Variants in RGS7 observed in about 807,000 individuals in gnomAD.
The protein encoded by RGS7 is regulator of G-protein signaling 7.
RGS7 carries 27 observed loss-of-function variants against 81.1 expected under a neutral mutation model. The observed-to-expected ratio is 0.33, with a 90% CI of 0.25 to 0.46. RGS7 has a LOEUF of 0.46. Ranked by LOEUF, RGS7 falls within the 20% of genes least tolerant of loss-of-function variation. The probability of loss-of-function intolerance (pLI) is 1.00; values close to 1 mark genes in which losing one functional copy is unlikely to be tolerated. For missense variants in RGS7, 396 were observed against 607.4 expected (o/e 0.65, Z 3.66); for synonymous variants, 208 against 207.7 (o/e 1.00, Z -0.01).
chr1:241,256,707 A>G (rs573977011), intron 2 of RGS7, among the ~76,000 whole-genome samples: 2 of 152,234 alleles, frequency 1.3e-5, no homozygotes, highest in African/African-American at 4.8e-5. Context: ...ACAGGGAGTG[A>G]GAACAAGGTC....
intron 2 of RGS7, among the ~76,000 whole-genome samples, chr1:241,172,983 G>A (rs2070839559): frequency 6.6e-6 from 1 of 152,096 alleles, no homozygotes; most frequent in Non-Finnish European, 1.5e-5. Flanking sequence ...TAACTATAAA[G>A]GAAAGCATAG....
At chr1:240,852,376 C>T (rs1200772774) in intron 9 of RGS7, among the ~76,000 whole-genome samples, 1 of 152,166 alleles carries the variant, frequency 6.6e-6, no homozygotes, top group Non-Finnish European at 1.5e-5. Context: ...TAATAGACTA[C>T]AGTATAGTGT....
chr1:241,147,780 TTATATATATATATATATATA>T lies in RGS7; in HGVS notation c.79-49038_79-49019del, dbSNP rs200770896. Among the ~76,000 whole-genome samples the T allele has an allele frequency of 1.3e-3, 56 of 44,608 alleles. 4 individuals are homozygous for T. Among genetic ancestry groups the T allele is most frequent in the Admixed American group, 7.7e-3 (21 of 2,730 alleles). The allele number at this position is 44,608 out of a possible 152,430, so 29.3% of individuals were successfully genotyped here. On this transcript the variant is annotated intron_variant, in intron 2 of 18. Transcript: ENST00000440928. The stretch of plus-strand genomic sequence containing the variant: ...TTAAATATCCCATCTAGATTAAGTT[TTATATATATATATATATATA>T]TATATATATATATATATATGTAAGA...
At chr1:241,084,838 A>T (rs1458837140) in intron 3 of RGS7, among the ~76,000 whole-genome samples, 2 of 152,252 alleles carry the variant, frequency 1.3e-5, no homozygotes. Context: ...GGCTGAAAAG[A>T]ACTCCCTATT....
chr1:240,960,160 CAA>C (rs112575284), intron 4 of RGS7, among the ~76,000 whole-genome samples: 7 of 131,824 alleles, frequency 5.3e-5, no homozygotes, highest in Admixed American at 7.7e-5. Flanking sequence ...CCCCCAACAC[CAA>C]AAAAAAAAAA....
chr1:241,162,222 G>GCTCCCC (rs71297740), intron 2 of RGS7, among the ~76,000 whole-genome samples: 28,103 of 142,116 alleles, frequency 0.2, 2,922 homozygotes, highest in African/African-American at 0.23. Flanking sequence ...CTGGTGATCA[G>GCTCCCC]CTTCCAAATA....
chr1:241,157,303 A>C (rs1429957276), intron 2 of RGS7, among the ~76,000 whole-genome samples: 2 of 152,046 alleles, frequency 1.3e-5, no homozygotes, highest in Non-Finnish European at 2.9e-5. Flanking sequence ...GGCCATTGTC[A>C]GCTCCTGAAA....
At chr1:240,844,856 G>C (rs1251415482) in intron 9 of RGS7, among the ~76,000 whole-genome samples, 4 of 152,180 alleles carry the variant, frequency 2.6e-5, no homozygotes, top group Non-Finnish European at 5.9e-5. Context: ...TGAGATCATG[G>C]ACTATTGATA....
chr1:240,923,407 G>T (rs954322464), intron 6 of RGS7, among the ~76,000 whole-genome samples: 4 of 151,928 alleles, frequency 2.6e-5, no homozygotes, highest in South Asian at 2.1e-4. Flanking sequence ...ATAGGGGAAC[G>T]TATAGGTGGT....
intron 2 of RGS7, among the ~76,000 whole-genome samples, chr1:241,332,435 T>C (rs907195878): frequency 7.2e-5 from 11 of 152,164 alleles, no homozygotes; most frequent in Admixed American, 5.9e-4. Flanking sequence ...TTTATATTAA[T>C]GTAAGGAACT....
chr1:241,241,725 G>A (rs562493351), intron 2 of RGS7, among the ~76,000 whole-genome samples: 1 of 152,236 alleles, frequency 6.6e-6, no homozygotes, highest in East Asian at 1.9e-4. Flanking sequence ...GACTCAGATA[G>A]AGGGACACAT....
intron 2 of RGS7, among the ~76,000 whole-genome samples, chr1:241,139,311 C>A (rs757199395): frequency 6.7e-6 from 1 of 148,994 alleles, no homozygotes; most frequent in Non-Finnish European, 1.5e-5. Flanking sequence ...TCCTTCCTTC[C>A]TTCCTTCTAT....
At chr1:240,800,443 G>C (rs1307489025) in intron 18 of RGS7, among the ~76,000 whole-genome samples, 198 bp downstream of exon 18, 1 of 152,020 alleles carries the variant, frequency 6.6e-6, no homozygotes, top group Non-Finnish European at 1.5e-5. Flanking sequence ...CCCACCACAA[G>C]GATCCTTGAA....
At chr1:241,324,160 C>T (rs994975784) in intron 2 of RGS7, among the ~76,000 whole-genome samples, 1 of 152,168 alleles carries the variant, frequency 6.6e-6, no homozygotes, top group Non-Finnish European at 1.5e-5. Context: ...TCCTTTTCCA[C>T]ACGGGCATAG....
At chr1:241,125,935 G>A (rs576917806) in intron 2 of RGS7, among the ~76,000 whole-genome samples, 7 of 152,190 alleles carry the variant, frequency 4.6e-5, no homozygotes, top group South Asian at 4.2e-4. Context: ...TCTCCAGTGC[G>A]CAGATGGAGC....
At chr1:240,805,863 GACAA>G (rs1040864621) in intron 15 of RGS7, among the ~76,000 whole-genome samples, 1 of 151,956 alleles carries the variant, frequency 6.6e-6, no homozygotes, top group Non-Finnish European at 1.5e-5. Context: ...TTACTGGGGG[GACAA>G]ACAGAGTAGA....
At chr1:240,864,192 A>G (rs1662790168) in intron 9 of RGS7, among the ~76,000 whole-genome samples, 1 of 152,162 alleles carries the variant, frequency 6.6e-6, no homozygotes, top group African/African-American at 2.4e-5. Flanking sequence ...ACTCTTTATG[A>G]CTGGCCTTAG....
In RGS7 at chr1:241,348,630, T is replaced by G. The variant is rs569190893; in HGVS notation, c.78+7069A>C. On this transcript the variant is annotated intron_variant, in intron 2 of 18. Transcript: ENST00000440928. The stretch of plus-strand genomic sequence containing the variant: ...TTTCATAATCTGCAAAATGAAAAAG[T>G]AGATTAACTCTGAGTTTCCTTTCAC... Among the ~76,000 whole-genome samples the G allele has an allele frequency of 1.2e-4, 18 of 152,358 alleles. No individual in the cohort carries two copies. In the South Asian group the frequency reaches 2.9e-3, roughly 25 times the overall value.
intron 3 of RGS7, among the ~76,000 whole-genome samples, chr1:241,082,798 C>T (rs1261716370): frequency 6.6e-6 from 1 of 152,152 alleles, no homozygotes; most frequent in East Asian, 1.9e-4. Flanking sequence ...TCATTACCCA[C>T]TTTATATATG....
Sources: allele counts gnomAD v4.1 joint callset (sites outside exome capture counted in the v4.1 genomes callset), GRCh38; gene constraint gnomAD v4.1.1; transcripts MANE v1.5; gene names NCBI Gene and HGNC (gene_info 2026-07-23, HGNC 2026-07-21).